GLI2: variants seen among roughly 807,000 people sequenced by gnomAD.
GLI2 encodes transcription activator GLI2.
GLI2 carries 22 observed loss-of-function variants against 78.9 expected under a neutral mutation model. That is an observed-to-expected ratio of 0.28 (90% confidence interval 0.20 to 0.40). GLI2 has a LOEUF of 0.40. GLI2 is among the 10% of genes least tolerant of loss of function. The pLI is 1.00. For missense variants in GLI2, 2,097 were observed against 2,213.2 expected, an observed-to-expected ratio of 0.95 and a Z score of 1.05; for synonymous variants, 974 against 963.7, an observed-to-expected ratio of 1.01 and a Z score of -0.20.
intron 1 of GLI2, among the ~76,000 whole-genome samples, chr2:120,792,710 C>G (rs976458081): frequency 3.9e-5 from 6 of 152,216 alleles, no homozygotes; most frequent in Non-Finnish European, 8.8e-5. Flanking sequence ...GCAACCTCCA[C>G]CTCCCAGGTC....
At chr2:120,824,060 G>T (rs1027442952) in intron 2 of GLI2, among the ~76,000 whole-genome samples, 2 of 152,152 alleles carry the variant, frequency 1.3e-5, no homozygotes, top group Admixed American at 6.5e-5. Flanking sequence ...TTTCTGATTC[G>T]TCTGCTCTGG....
At position 120,783,640 on chromosome 2, in the gene GLI2, G is replaced by T. The variant is rs146622255; in HGVS notation, c.-30-13651G>T. ...CCACGAAGTGCAGGAACAAGCAGGA[G>T]ACATTTTCCTTTTATCAGTAGGGTG... is the stretch of plus-strand genomic sequence containing the variant. On this transcript the variant is annotated intron_variant, in intron 1 of 13. Coordinates refer to ENST00000361492, the MANE Select transcript of GLI2 (RefSeq NM_001374353.1). Among the ~76,000 whole-genome samples the T allele has an allele frequency of 5.9e-3, 901 of 152,138 alleles. 8 individuals carry two copies. Among genetic ancestry groups the T allele is most frequent in the African/African-American group, 0.02 (842 of 41,496 alleles).
chr2:120,780,643 C>A (rs183895440), intron 1 of GLI2, among the ~76,000 whole-genome samples: 5 of 152,186 alleles, frequency 3.3e-5, no homozygotes, highest in Non-Finnish European at 7.3e-5. Flanking sequence ...TAGATGGTAT[C>A]ACTGTCCACT....
intron 3 of GLI2, among the ~76,000 whole-genome samples, chr2:120,950,458 G>C (rs879552273): frequency 3.3e-5 from 5 of 152,142 alleles, no homozygotes; most frequent in African/African-American, 1.2e-4. Context: ...ATAAGGGCCT[G>C]AGGTCACATC....
chr2:120,982,618 T>A (rs1530580), intron 10 of GLI2, 98 bp from the exon 11 acceptor site: 1 of 981,360 alleles, frequency 1.0e-6, no homozygotes, highest in Admixed American at 2.1e-5. Context: ...CGCTGACGGG[T>A]TGGAGCAGAG....
intron 1 of GLI2, among the ~76,000 whole-genome samples, chr2:120,778,293 C>T (rs1683741618): frequency 6.6e-6 from 1 of 152,174 alleles, no homozygotes; most frequent in Non-Finnish European, 1.5e-5. Flanking sequence ...TGGCCCACTC[C>T]TCCTCCTCTT....
chr2:120,857,438 TACCC>T, intron 2 of GLI2, among the ~76,000 whole-genome samples: 6 of 25,458 alleles, frequency 2.4e-4, no homozygotes, highest in Admixed American at 4.6e-4. Flanking sequence ...CCCACCTACC[TACCC>T]ATCTGCTCAC....
Position 120,916,399 on chromosome 2 carries a change from G to A in GLI2, c.149-10962G>A, listed in dbSNP as rs75316858. Among the ~76,000 whole-genome samples, 1,065 of 152,366 alleles carry A rather than the reference G, an allele frequency of 7.0e-3. 11 individuals are homozygous for A. The highest frequency in any genetic ancestry group is 0.024 in the African/African-American group (988 of 41,590). ...CTGTCCGCACTGCCCTGAGCCTGAAGAGCCTGCCATCCTCCCCCTTCCTTC... is the reference window on the plus strand; with the variant it reads ...CTGTCCGCACTGCCCTGAGCCTGAAAAGCCTGCCATCCTCCCCCTTCCTTC... On this transcript the variant is annotated intron_variant, in intron 2 of 13. Coordinates refer to ENST00000361492, the MANE Select transcript of GLI2 (RefSeq NM_001374353.1).
chr2:120,971,562 CT>C lies in GLI2; in HGVS notation c.1060-378del, dbSNP rs369520623. On this transcript the variant is annotated intron_variant, in intron 7 of 13. Transcript: ENST00000361492. ...TCCTGAGGAACTGGGCTCTGGCCCC[CT>C]ATGCCCTGGGCTGGCCAGGCCCTGT... Among the ~76,000 whole-genome samples, 667 of 152,382 alleles carry C rather than the reference CT, an allele frequency of 4.4e-3. 5 individuals are homozygous for C. Among genetic ancestry groups the C allele is most frequent in the African/African-American group, 0.01 (426 of 41,600 alleles).
chr2:120,951,345 C>A lies in GLI2; in HGVS notation c.357C>A (p.His119Gln). Residue 119 changes from histidine to glutamine, a missense_variant, in exon 4 of 14, where the codon CAC (histidine) becomes CAA (glutamine). His to Gln is a conservative substitution (Grantham distance 24). This residue lies in a region of GLI2 where 578 missense variants were observed against 612.0 expected (regional missense o/e 0.94). Coordinates refer to ENST00000361492, the MANE Select transcript of GLI2 (RefSeq NM_001374353.1). ...GPGESPFNAP[H>Q]PYVNPHMEHY... Reference sequence around the variant, plus strand: ...GGGAGTCCCCCTTCAACGCCCCCCACCCGTACGTGAACCCCCACATGGAGC... The same window carrying A: ...GGGAGTCCCCCTTCAACGCCCCCCAACCGTACGTGAACCCCCACATGGAGC... 6.3e-7 allele frequency: 1 copy of A among 1,587,170 alleles called. No homozygotes were observed. The highest frequency in any genetic ancestry group is 8.7e-7 in the Non-Finnish European group (1 of 1,155,532).
At chr2:120,880,677 A>G (rs1002429927) in intron 2 of GLI2, among the ~76,000 whole-genome samples, 1 of 152,210 alleles carries the variant, frequency 6.6e-6, no homozygotes, top group African/African-American at 2.4e-5. Context: ...AAAAGCAGCT[A>G]TGGGCTAGGT....
At chr2:120,966,732 C>T (rs926143865) in intron 5 of GLI2, among the ~76,000 whole-genome samples, 2 of 152,198 alleles carry the variant, frequency 1.3e-5, no homozygotes, top group East Asian at 1.9e-4. Context: ...GCGGCTTGTT[C>T]AGTAGGTGGG....
Position 120,955,390 on chromosome 2 carries a change from C to A in GLI2, c.603C>A (p.Ala201=). 1 of 1,611,532 alleles carries A rather than the reference C, an allele frequency of 6.2e-7. No individual in the cohort carries two copies. The highest frequency in any genetic ancestry group is 8.5e-7 in the Non-Finnish European group (1 of 1,178,406). Residue 201 remains alanine, a synonymous_variant, in exon 5 of 14, where the codon GCC becomes GCA. Coordinates refer to ENST00000361492, the MANE Select transcript of GLI2 (RefSeq NM_001374353.1). The part of the protein sequence containing the change: ...GDLLMQSGGA[A]SAPHLHDYLN... ...TGCTGATGCAGAGCGGGGGCGCTGC[C>A]AGCGCACCCCATCTCCACGACTACC...
intron 1 of GLI2, among the ~76,000 whole-genome samples, chr2:120,776,244 A>G (rs1683674753): frequency 6.6e-6 from 1 of 152,216 alleles, no homozygotes; most frequent in South Asian, 2.1e-4. Flanking sequence ...CCCGCTTTCT[A>G]GATGGGAAAC....
intron 2 of GLI2, among the ~76,000 whole-genome samples, chr2:120,882,245 G>A (rs565596359): frequency 6.6e-5 from 10 of 152,234 alleles, no homozygotes; most frequent in Non-Finnish European, 4.4e-5. Flanking sequence ...CATGGACAAC[G>A]TGAGGGAAGG....
At chr2:120,894,637 G>A (rs1573553928) in intron 2 of GLI2, among the ~76,000 whole-genome samples, 3 of 146,826 alleles carry the variant, frequency 2.0e-5, no homozygotes, top group South Asian at 4.3e-4. Context: ...ATTTCAAACC[G>A]CCCCCCCATA....
At chr2:120,857,977 G>T (rs1054378781) in intron 2 of GLI2, among the ~76,000 whole-genome samples, 3 of 152,202 alleles carry the variant, frequency 2.0e-5, no homozygotes, top group Non-Finnish European at 4.4e-5. Context: ...TGGAGGAGTT[G>T]CTCAGAGCAT....
In GLI2 at chr2:120,797,424, T is replaced by C; in HGVS notation, c.104T>C (p.Leu35Ser). The stretch of plus-strand genomic sequence containing the variant: ...GACCCGGGTAAAAAGGCCTCTCCTT[T>C]GGTGGTGGCTGCAGCGGCAGCAGCA... ...FPDPGKKASP[L>S]VVAAAAAAAV... The change falls in exon 2 of 14, where the codon TTG becomes TCG. Residue 35 changes from leucine (L) to serine (S), a missense_variant. Leu to Ser is a moderately radical substitution (Grantham distance 145). Transcript: ENST00000361492. The C allele has an allele frequency of 6.2e-7, 1 of 1,613,900 alleles. No homozygotes were observed. The highest frequency in any genetic ancestry group is 2.2e-5 in the East Asian group (1 of 44,846).
At chr2:120,752,504 C>T (rs912665816) in intron 1 of GLI2, among the ~76,000 whole-genome samples, 7 of 152,060 alleles carry the variant, frequency 4.6e-5, no homozygotes, top group African/African-American at 1.7e-4. Flanking sequence ...CTCCTGACCT[C>T]GTGATCCGCC....
Sources: gnomAD v4.1 joint callset for allele counts (sites outside exome capture counted in the v4.1 genomes callset) on GRCh38, gnomAD v4.1.1 for gene constraint, gnomAD v4.1.1 regional missense constraint, MANE v1.5 for transcripts, NCBI Gene and HGNC (gene_info 2026-07-23, HGNC 2026-07-21) for gene names.